The following SLC16A7 variants were observed in gnomAD, a reference collection of about 807,000 sequenced individuals.
SLC16A7 encodes monocarboxylate transporter 2.
In SLC16A7, 33 loss-of-function variants were observed where a neutral mutation model predicts 34.9. The ratio of observed to expected loss-of-function variants is 0.94; its 90% confidence interval spans 0.72 to 1.26. SLC16A7 has a LOEUF of 1.26. Among genes scored for constraint, SLC16A7 ranks in the 50% most tolerant of loss-of-function variants. The pLI is 0.00. For missense variants in SLC16A7, 573 were observed against 578.1 expected (o/e 0.99, Z 0.09); for synonymous variants, 201 against 206.6 (o/e 0.97, Z 0.23).
chr12:59,718,120 C>T (rs555992338), intron 3 of SLC16A7, among the ~76,000 whole-genome samples: 1 of 152,216 alleles, frequency 6.6e-6, no homozygotes, highest in South Asian at 2.1e-4. Flanking sequence ...ATTAAATTAG[C>T]TATATATACA....
chr12:59,737,500 T>C (rs1374212120), intron 3 of SLC16A7, among the ~76,000 whole-genome samples: 1 of 152,208 alleles, frequency 6.6e-6, no homozygotes, highest in African/African-American at 2.4e-5. Flanking sequence ...TTAAACTATG[T>C]CCTCTTAGGC....
At chr12:59,626,346 G>A (rs979069619) in intron 1 of SLC16A7, among the ~76,000 whole-genome samples, 1 of 151,272 alleles carries the variant, frequency 6.6e-6, no homozygotes, top group Non-Finnish European at 1.5e-5. Context: ...TTATGTTCTG[G>A]GTTATTTCTA....
At chr12:59,684,206 C>A (rs975128660) in intron 2 of SLC16A7, among the ~76,000 whole-genome samples, 1 of 152,126 alleles carries the variant, frequency 6.6e-6, no homozygotes, top group African/African-American at 2.4e-5. Flanking sequence ...GAGAAATATA[C>A]ACATTTTGTA....
rs1006822044 is a variant in SLC16A7, at chr12:59,788,632, C to CT, written c.*8960dup. ...GTTTTAAAATATAAGATAGAACCTT[C>CT]TTTTTTTGCCTTCTTACACATGAAT... is the stretch of plus-strand genomic sequence containing the variant. On this transcript the variant is annotated 3_prime_UTR_variant, in exon 6 of 6. Transcript: ENST00000547379. 2.6e-5 allele frequency: 4 copies of CT among 151,808 alleles called. No individual in the cohort carries two copies. Among genetic ancestry groups the CT allele is most frequent in the African/African-American group, 4.8e-5 (2 of 41,380 alleles). 9.4% of individuals were successfully genotyped at this position (151,808 alleles called of 1,614,324 possible). A position where few individuals can be genotyped will look rare whatever the true frequency, so the allele number is the denominator to read the frequency against.
intron 3 of SLC16A7, among the ~76,000 whole-genome samples, chr12:59,706,252 TG>T (rs1873554972): frequency 6.6e-6 from 1 of 152,120 alleles, no homozygotes; most frequent in Non-Finnish European, 1.5e-5. Context: ...CTCAGTGGCT[TG>T]TGTACCACCT....
At chr12:59,649,448 G>A (rs922663359) in intron 1 of SLC16A7, among the ~76,000 whole-genome samples, 3 of 152,166 alleles carry the variant, frequency 2.0e-5, no homozygotes, top group African/African-American at 7.2e-5. Context: ...TGGTTTAAAG[G>A]TGTTTTGCTA....
At chr12:59,731,861 A>T (rs1876992014) in intron 3 of SLC16A7, among the ~76,000 whole-genome samples, 1 of 152,164 alleles carries the variant, frequency 6.6e-6, no homozygotes, top group South Asian at 2.1e-4. Flanking sequence ...CCTCAACTCT[A>T]CCACTAGAAG....
intron 3 of SLC16A7, among the ~76,000 whole-genome samples, chr12:59,719,023 T>C (rs1875253659): frequency 6.6e-6 from 1 of 152,184 alleles, no homozygotes; most frequent in African/African-American, 2.4e-5. Context: ...CATGTGAGAA[T>C]GTATAAATTG....
intron 3 of SLC16A7, among the ~76,000 whole-genome samples, chr12:59,764,690 C>T (rs550452097): frequency 3.3e-5 from 5 of 152,264 alleles, no homozygotes; most frequent in African/African-American, 9.6e-5. Flanking sequence ...GTATAATATT[C>T]CATGGTGTAT....
At position 59,789,268 on chromosome 12, in the gene SLC16A7, T is replaced by C. The variant is rs879509043; in HGVS notation, c.*9589T>C. 6.6e-6 allele frequency: 1 copy of C among 152,150 alleles called. No individual in the cohort carries two copies. Among genetic ancestry groups the C allele is most frequent in the Non-Finnish European group, 1.5e-5 (1 of 67,986 alleles). The allele number at this position is 152,150 out of a possible 1,614,324, so 9.4% of individuals were successfully genotyped here. ...TTCTACGATGCAGGCTGAATGTATA[T>C]TACAGTAATTCTCTGGCTAATTTTA... On this transcript the variant is annotated 3_prime_UTR_variant, in exon 6 of 6. Transcript: ENST00000547379.
Position 59,623,046 on chromosome 12 carries a change from CTGTGTGTGTGTGTGTGTG to C in SLC16A7, c.-130+26840_-130+26857del, listed in dbSNP as rs57399813. Among the ~76,000 whole-genome samples the C allele has an allele frequency of 1.3e-3, 179 of 135,002 alleles. 1 individual carries two copies. Among genetic ancestry groups the C allele is most frequent in the East Asian group, 3.0e-3 (14 of 4,686 alleles). 88.6% of individuals were successfully genotyped at this position (135,002 alleles called of 152,430 possible). On this transcript the variant is annotated intron_variant, in intron 1 of 5. Transcript: ENST00000547379. The stretch of plus-strand genomic sequence containing the variant: ...ATAAATAGCATTTCCCTACTGAATG[CTGTGTGTGTGTGTGTGTG>C]TGTGTGTGTGTGTGTGTGTGTGTGT...
At chr12:59,622,875 T>C (rs1328157825) in intron 1 of SLC16A7, among the ~76,000 whole-genome samples, 1 of 151,790 alleles carries the variant, frequency 6.6e-6, no homozygotes, top group Non-Finnish European at 1.5e-5. Flanking sequence ...TATGGACTAC[T>C]GAATTGGATA....
intron 2 of SLC16A7, among the ~76,000 whole-genome samples, chr12:59,683,272 G>T (rs1870891024): frequency 6.6e-6 from 1 of 152,122 alleles, no homozygotes; most frequent in Non-Finnish European, 1.5e-5. Context: ...AAGATTTAAG[G>T]TAGTCAAATT....
chr12:59,779,338 T>C (rs1883056967), intron 5 of SLC16A7, 85 bp from the exon 6 acceptor site: 1 of 1,042,654 alleles, frequency 9.6e-7, no homozygotes, highest in Non-Finnish European at 1.4e-6. Context: ...AAGAGGAATA[T>C]ACTTTGAAGA....
intron 3 of SLC16A7, among the ~76,000 whole-genome samples, chr12:59,758,687 T>G (rs1281573862): frequency 6.6e-6 from 1 of 152,158 alleles, no homozygotes; most frequent in Non-Finnish European, 1.5e-5. Context: ...CTGTCTCATA[T>G]GATTGGCATT....
At chr12:59,718,042 T>G (rs1230437701) in intron 3 of SLC16A7, among the ~76,000 whole-genome samples, 3 of 152,110 alleles carry the variant, frequency 2.0e-5, no homozygotes, top group Admixed American at 6.6e-5. Context: ...TCCAGACAGT[T>G]CTCTTTTTAT....
chr12:59,736,161 A>G (rs1449809047), intron 3 of SLC16A7, among the ~76,000 whole-genome samples: 2 of 152,224 alleles, frequency 1.3e-5, no homozygotes, highest in Non-Finnish European at 2.9e-5. Context: ...AGCATCATGG[A>G]CATGGCTGAG....
intron 2 of SLC16A7, among the ~76,000 whole-genome samples, chr12:59,683,271 G>A (rs1870890789): frequency 1.3e-5 from 2 of 152,124 alleles, no homozygotes; most frequent in South Asian, 2.1e-4. Flanking sequence ...AAAGATTTAA[G>A]GTAGTCAAAT....
chr12:59,662,054 T>C (rs2086438748), intron 2 of SLC16A7, among the ~76,000 whole-genome samples: 1 of 152,110 alleles, frequency 6.6e-6, no homozygotes, highest in Non-Finnish European at 1.5e-5. Flanking sequence ...AAATGTGTTA[T>C]ATTATTTCCA....
Sources: allele counts gnomAD v4.1 joint callset (sites outside exome capture counted in the v4.1 genomes callset), GRCh38; gene constraint gnomAD v4.1.1; transcripts MANE v1.5; gene names NCBI Gene and HGNC (gene_info 2026-07-23, HGNC 2026-07-21).